The following NRDC variants were observed in gnomAD, a reference collection of about 807,000 sequenced individuals.
NRDC encodes nardilysin convertase.
Under a neutral mutation model 147.1 loss-of-function variants are expected in NRDC, and 54 were observed. The ratio of observed to expected loss-of-function variants is 0.37; its 90% CI spans 0.29 to 0.46. The LOEUF is 0.46. Ranked by LOEUF, NRDC falls within the 20% of genes least tolerant of loss-of-function variation. NRDC has a pLI of 1.00. For synonymous variants in NRDC, 440 were observed against 482.1 expected (o/e 0.91, Z 1.14); for missense variants, 1,082 against 1,370.6 (o/e 0.79, Z 3.33).
chr1:51,829,374 T>G (rs1269573656), intron 4 of NRDC, among the ~76,000 whole-genome samples: 1 of 152,238 alleles, frequency 6.6e-6, no homozygotes, highest in Non-Finnish European at 1.5e-5. Flanking sequence ...ATATTTTTAT[T>G]TAGTGTACAA....
chr1:51,834,176 T>C lies in NRDC; in HGVS notation c.713-6A>G, dbSNP rs1680837650. On this transcript the variant is annotated splice_region_variant and splice_polypyrimidine_tract_variant and intron_variant, in intron 3 of 30. Coordinates refer to ENST00000352171, the MANE Select transcript of NRDC (RefSeq NM_001101662.2). ...CAAACTACCCATGAATACCACTAAATGGAAAGAACACAAAGTCACACAACA... is the reference window on the plus strand; with the variant it reads ...CAAACTACCCATGAATACCACTAAACGGAAAGAACACAAAGTCACACAACA... The C allele has an allele frequency of 6.2e-7, 1 of 1,613,468 alleles. No individual in the cohort carries two copies. Among genetic ancestry groups the C allele is most frequent in the Non-Finnish European group, 8.5e-7 (1 of 1,179,870 alleles).
intron 15 of NRDC, 44 bp downstream of exon 15, chr1:51,811,950 C>T (rs754426223): frequency 1.0e-5 from 13 of 1,273,212 alleles, no homozygotes; most frequent in Non-Finnish European, 1.5e-5. Flanking sequence ...TTCTCACCCT[C>T]CTCTTCCCCT....
intron 1 of NRDC, among the ~76,000 whole-genome samples, chr1:51,866,002 T>G (rs2124103718): frequency 6.6e-6 from 1 of 151,798 alleles, no homozygotes; most frequent in African/African-American, 2.4e-5. Context: ...GAGGTTGCAG[T>G]GAGCCAAGAT....
chr1:51,869,076 A>C (rs1682958475), intron 1 of NRDC, among the ~76,000 whole-genome samples: 1 of 151,960 alleles, frequency 6.6e-6, no homozygotes, highest in East Asian at 1.9e-4. Flanking sequence ...AGTAGCTGGG[A>C]CCACACCAGC....
chr1:51,845,580 G>A (rs753190251), intron 1 of NRDC, among the ~76,000 whole-genome samples: 32 of 152,028 alleles, frequency 2.1e-4, no homozygotes, highest in African/African-American at 4.8e-4. Context: ...GCGACAGAGC[G>A]AGACTCCGTC....
intron 15 of NRDC, among the ~76,000 whole-genome samples, chr1:51,810,697 C>A (rs1006078048): frequency 2.0e-5 from 3 of 152,192 alleles, no homozygotes; most frequent in African/African-American, 7.2e-5. Flanking sequence ...CTATCCTTTA[C>A]TACTAAGCTT....
chr1:51,811,983 A>C lies in NRDC; in HGVS notation c.1779+11T>G, dbSNP rs374263117. On this transcript the variant is annotated intron_variant, in intron 15 of 30. Transcript: ENST00000352171. ...CCTAAAAGTAAGTTTTAGACGTATA[A>C]ACCTCCTTACTTCTGGCTTGTATTC... 2.7e-4 allele frequency: 430 copies of C among 1,587,350 alleles called. 1 individual carries two copies. The highest frequency in any genetic ancestry group is 2.6e-4 in the Non-Finnish European group (306 of 1,155,952).
At chr1:51,798,908 C>G (rs1160331943) in intron 21 of NRDC, 1 of 152,584 alleles carries the variant, frequency 6.6e-6, no homozygotes, top group Non-Finnish European at 1.5e-5. Context: ...GACAAATCTA[C>G]TAACATCTAT....
chr1:51,836,137 C>G lies in NRDC; in HGVS notation c.706G>C (p.Glu236Gln), dbSNP rs1172070940. Residue 236 changes from glutamate to glutamine, a missense_variant, in exon 3 of 31, where the codon GAG becomes CAG. Around this residue, in one of 3 missense-constraint regions of NRDC, gnomAD observed 635 missense variants for 923.8 expected, o/e 0.69. Coordinates refer to ENST00000352171, the MANE Select transcript of NRDC (RefSeq NM_001101662.2). The part of the protein sequence containing the change: ...DDLPGLAHFL[E>Q]HMVFMGSLKY... ...ATATTTTACAAATTCTTACTGTGCT[C>G]CAAAAAGTGTGCCAGCCCCGGCAGG... 1 of 1,613,802 alleles carries G rather than the reference C, an allele frequency of 6.2e-7. No individual in the cohort carries two copies. Among genetic ancestry groups the G allele is most frequent in the East Asian group, 2.2e-5 (1 of 44,894 alleles).
At chr1:51,849,844 AG>A (rs1279195016) in intron 1 of NRDC, among the ~76,000 whole-genome samples, 1 of 150,984 alleles carries the variant, frequency 6.6e-6, no homozygotes, top group African/African-American at 2.4e-5. Context: ...AGAAAAGGAA[AG>A]GAAGAACAAG....
intron 1 of NRDC, among the ~76,000 whole-genome samples, chr1:51,877,423 G>A (rs1278125339): frequency 6.6e-6 from 1 of 152,132 alleles, no homozygotes; most frequent in African/African-American, 2.4e-5. Flanking sequence ...TACTTTGGGA[G>A]GCCAAGACAG....
In NRDC at chr1:51,834,785, TATTA is replaced by T. The variant is rs574699941; in HGVS notation, c.713-619_713-616del. ...TCTAAATAGATTAAAATTCACCTTT[TATTA>T]ATTAGATTAAAATTCAAACAAATTC... On this transcript the variant is annotated intron_variant, in intron 3 of 30. Transcript: ENST00000352171. Among the ~76,000 whole-genome samples the T allele has an allele frequency of 1.8e-3, 275 of 152,282 alleles. 1 individual carries two copies. The highest frequency in any genetic ancestry group is 6.4e-3 in the African/African-American group (266 of 41,570).
intron 10 of NRDC, among the ~76,000 whole-genome samples, chr1:51,817,829 A>T (rs1157156232): frequency 6.6e-6 from 1 of 152,224 alleles, no homozygotes; most frequent in African/African-American, 2.4e-5. Context: ...CATTCACACT[A>T]AACACTTAAT....
intron 4 of NRDC, among the ~76,000 whole-genome samples, chr1:51,830,608 G>A (rs1017718450): frequency 2.0e-5 from 3 of 152,142 alleles, no homozygotes; most frequent in Non-Finnish European, 2.9e-5. Context: ...TACTCAGGAC[G>A]CCTCATCCTT....
At chr1:51,796,868 G>C (rs1678946791) in intron 22 of NRDC, among the ~76,000 whole-genome samples, 1 of 149,658 alleles carries the variant, frequency 6.7e-6, no homozygotes, top group South Asian at 2.1e-4. Context: ...TTACAGGCGT[G>C]AGCCACCGCG....
chr1:51,858,970 A>T (rs1416903733), intron 1 of NRDC, among the ~76,000 whole-genome samples: 2 of 152,212 alleles, frequency 1.3e-5, no homozygotes, highest in African/African-American at 4.8e-5. Flanking sequence ...ATCTTAACTG[A>T]AATTTTTTAC....
Position 51,795,310 on chromosome 1 carries a change from G to C in NRDC, c.2605-456C>G, listed in dbSNP as rs576294329. On this transcript the variant is annotated intron_variant, in intron 22 of 30. Coordinates refer to ENST00000352171, the MANE Select transcript of NRDC (RefSeq NM_001101662.2). ...ATCTATAAAATAAGGGATAAATGGAGGGATTAGCTCTTCTCTAAAGTGATT... is the reference window on the plus strand; with the variant it reads ...ATCTATAAAATAAGGGATAAATGGACGGATTAGCTCTTCTCTAAAGTGATT... 15 of 873,458 alleles carry C rather than the reference G, an allele frequency of 1.7e-5. No individual in the cohort carries two copies. In the African/African-American group the frequency reaches 1.9e-4, roughly 11 times the overall value. 54.1% of individuals were successfully genotyped at this position (873,458 alleles called of 1,614,324 possible). A position where few individuals can be genotyped will look rare whatever the true frequency, so the allele number is the denominator to read the frequency against.
In NRDC at chr1:51,866,174, A is replaced by G. The variant is rs191713823; in HGVS notation, c.341+12101T>C. On this transcript the variant is annotated intron_variant, in intron 1 of 30. Transcript: ENST00000352171. ...GACTTCTAGGTTACAGTAAGCTATG[A>G]TTTCACCACTGCACTCCAGCCTGGA... is the stretch of plus-strand genomic sequence containing the variant. 1.9e-3 allele frequency among the ~76,000 whole-genome samples: 283 copies of G among 152,302 alleles called. 5 individuals carry two copies. Among genetic ancestry groups the G allele is most frequent in the Admixed American group, 0.017 (259 of 15,294 alleles).
At chr1:51,825,675 A>T (rs982081348) in intron 5 of NRDC, among the ~76,000 whole-genome samples, 3 of 152,152 alleles carry the variant, frequency 2.0e-5, no homozygotes, top group Non-Finnish European at 4.4e-5. Context: ...TATGTACAAG[A>T]TTTTACTGAT....
Sources: gnomAD v4.1 joint callset for allele counts (sites outside exome capture counted in the v4.1 genomes callset) on GRCh38, gnomAD v4.1.1 for gene constraint, gnomAD v4.1.1 regional missense constraint, MANE v1.5 for transcripts, NCBI Gene and HGNC (gene_info 2026-07-23, HGNC 2026-07-21) for gene names.